The following HTRA3 variants were observed in gnomAD, a reference collection of about 807,000 sequenced individuals.
HTRA3 encodes serine protease HTRA3.
In HTRA3, 41 loss-of-function variants were observed where a neutral mutation model predicts 43.2. That is an observed-to-expected ratio of 0.95 (90% CI 0.74 to 1.23). The LOEUF (loss-of-function observed/expected upper bound fraction) is 1.23. HTRA3 is among the 50% of genes most tolerant of loss of function. HTRA3 has a pLI of 0.00. For synonymous variants in HTRA3, 295 were observed against 287.9 expected (o/e 1.02, Z -0.25); for missense variants, 628 against 647.1 (o/e 0.97, Z 0.32).
chr4:8,281,744 C>G (rs1406180911), intron 1 of HTRA3, among the ~76,000 whole-genome samples: 1 of 152,236 alleles, frequency 6.6e-6, no homozygotes, highest in African/African-American at 2.4e-5. Context: ...GCAGCCACAG[C>G]CCCTACTGCT....
chr4:8,292,004 G>C lies in HTRA3; in HGVS notation c.904-317G>C, dbSNP rs531096039. On this transcript the variant is annotated intron_variant, in intron 4 of 8. Coordinates refer to ENST00000307358, the MANE Select transcript of HTRA3 (RefSeq NM_053044.5). The stretch of plus-strand genomic sequence containing the variant: ...GCTGGAATCCGAGTCTTTGTAGAGG[G>C]CCCCCCCAGGCCAGCAGGATGGGAA... Among the ~76,000 whole-genome samples, 47 of 152,220 alleles carry C rather than the reference G, an allele frequency of 3.1e-4. No homozygotes were observed. In the South Asian group the frequency reaches 6.6e-3, roughly 22 times the overall value.
chr4:8,295,663 C>A lies in HTRA3; in HGVS notation c.1051+1462C>A. The A allele has an allele frequency of 1.4e-6, 2 of 1,398,390 alleles. No individual in the cohort carries two copies. Among genetic ancestry groups the A allele is most frequent in the Non-Finnish European group, 1.9e-6 (2 of 1,072,850 alleles). The allele number at this position is 1,398,390 out of a possible 1,614,324, so 86.6% of individuals were successfully genotyped here. A position where few individuals can be genotyped will look rare whatever the true frequency, so the allele number is the denominator to read the frequency against. ...CGCCCAGGCCTGACTCAGCAACTCA[C>A]ACTTCCACATTGCTTTGCTGTCTCC... On this transcript the variant is annotated intron_variant, in intron 6 of 8. Transcript: ENST00000307358. This position sits in a 1 kb window ranked among gnomAD's most constrained non-coding sequence, Gnocchi z 6.9.
At chr4:8,283,049 C>T (rs574678099) in intron 2 of HTRA3, among the ~76,000 whole-genome samples, 1 of 152,228 alleles carries the variant, frequency 6.6e-6, no homozygotes, top group South Asian at 2.1e-4. Flanking sequence ...GGGCAGCTCG[C>T]AAGCACCGAG....
At position 8,277,411 on chromosome 4, in the gene HTRA3, G is replaced by A. The variant is rs1408358189; in HGVS notation, c.386-5026G>A. Among the ~76,000 whole-genome samples the A allele has an allele frequency of 2.0e-5, 3 of 152,300 alleles. No individual in the cohort carries two copies. In the East Asian group the frequency reaches 5.8e-4, roughly 29 times the overall value. On this transcript the variant is annotated intron_variant, in intron 1 of 8. Coordinates refer to ENST00000307358, the MANE Select transcript of HTRA3 (RefSeq NM_053044.5). ...CTTCCTGCCCACTGCAGCGGGCCAGGTCCAGCCCAGACGCAGGGGTGCAGG... is the reference window on the plus strand; with the variant it reads ...CTTCCTGCCCACTGCAGCGGGCCAGATCCAGCCCAGACGCAGGGGTGCAGG...
chr4:8,304,253 G>A lies in HTRA3; in HGVS notation c.1170G>A (p.Glu390=), dbSNP rs762593620. 70 of 1,614,212 alleles carry A rather than the reference G, an allele frequency of 4.3e-5. No individual in the cohort carries two copies. The East Asian group carries it at 1.2e-3, about 27-fold the overall frequency. The change falls in exon 8 of 9, where the codon GAG becomes GAA. Residue 390 remains glutamate, a synonymous_variant. Transcript: ENST00000307358. ...TCAGCAGTGGAATTTATGTGCAAGA[G>A]GTTGCGCCGAATTCACCTTCTCAGA... The part of the protein sequence containing the change: ...PEVSSGIYVQ[E]VAPNSPSQRG...
rs533718870 is a variant in HTRA3 at position 8,299,472 on chromosome 4, C to CT, written c.1052-2981dup. Among the ~76,000 whole-genome samples, 197 of 148,884 alleles carry CT rather than the reference C, an allele frequency of 1.3e-3. 1 individual carries two copies. Among genetic ancestry groups the CT allele is most frequent in the African/African-American group, 4.1e-3 (165 of 40,586 alleles). ...ACTTCTTCCTTTCCAATCTGAATGC[C>CT]TTTTTTTTTTCTTGCCTGGCTAGAA... On this transcript the variant is annotated intron_variant, in intron 6 of 8. Coordinates refer to ENST00000307358, the MANE Select transcript of HTRA3 (RefSeq NM_053044.5).
At chr4:8,291,264 A>G in intron 3 of HTRA3, 106 bp from the exon 4 acceptor site, 2 of 961,104 alleles carry the variant, frequency 2.1e-6, no homozygotes, top group Non-Finnish European at 3.3e-6. Context: ...CTTTGCACAG[A>G]TGTGCATGCC....
intron 1 of HTRA3, among the ~76,000 whole-genome samples, chr4:8,271,095 C>T (rs550683211): frequency 6.6e-6 from 1 of 152,202 alleles, no homozygotes; most frequent in African/African-American, 2.4e-5. Context: ...GAGTCAGGGT[C>T]CTGCGTGCCA....
rs1712285364 is a variant in HTRA3, at chr4:8,271,739, A to AC, written c.385+1387dup. Among the ~76,000 whole-genome samples, 19 of 137,180 alleles carry AC rather than the reference A, an allele frequency of 1.4e-4. No individual in the cohort carries two copies. In the South Asian group the frequency reaches 5.4e-3, roughly 39 times the overall value. 90.0% of individuals were successfully genotyped at this position (137,180 alleles called of 152,430 possible). On this transcript the variant is annotated intron_variant, in intron 1 of 8. Transcript: ENST00000307358. The stretch of plus-strand genomic sequence containing the variant: ...GAAGTGCAGGCAGGGACAAGGCCGA[A>AC]CGCTGCCTGTAGCCTCTCTCATAAG...
chr4:8,283,950 G>A (rs1350594117), intron 2 of HTRA3, among the ~76,000 whole-genome samples: 4 of 152,188 alleles, frequency 2.6e-5, no homozygotes, highest in East Asian at 1.9e-4. Context: ...GTCACTAGGC[G>A]TCACGGCCCC....
rs1015045985 is a variant in HTRA3, at chr4:8,279,991, G to A, written c.386-2446G>A. Among the ~76,000 whole-genome samples the A allele has an allele frequency of 4.6e-5, 7 of 152,188 alleles. No homozygotes were observed. The highest frequency in any genetic ancestry group is 1.7e-4 in the African/African-American group (7 of 41,444). On this transcript the variant is annotated intron_variant, in intron 1 of 8. Coordinates refer to ENST00000307358, the MANE Select transcript of HTRA3 (RefSeq NM_053044.5). The surrounding 1 kb of genome is among the most constrained non-coding windows in gnomAD (Gnocchi z 7.4). ...TGGCTTGAATAAGGCTGTGAGCAGC[G>A]GCAGATTCGGTACAACTGGGGCTGC... is the stretch of plus-strand genomic sequence containing the variant.
chr4:8,276,677 C>T (rs1187010422), intron 1 of HTRA3, among the ~76,000 whole-genome samples: 1 of 152,248 alleles, frequency 6.6e-6, no homozygotes, highest in Non-Finnish European at 1.5e-5. Context: ...TCCTCCTCCT[C>T]CCAGGGGCTG....
At chr4:8,290,189 A>AGTC (rs1713176538) in intron 3 of HTRA3, among the ~76,000 whole-genome samples, 1 of 152,242 alleles carries the variant, frequency 6.6e-6, no homozygotes, top group Non-Finnish European at 1.5e-5. Context: ...GAGCGGCCTG[A>AGTC]GTCTTTCCCA....
chr4:8,299,841 CTTT>C (rs34414197), intron 6 of HTRA3, among the ~76,000 whole-genome samples: 109 of 140,708 alleles, frequency 7.7e-4, no homozygotes, highest in African/African-American at 2.4e-3. Flanking sequence ...ATGTATTATC[CTTT>C]TTTTTTTTTT....
chr4:8,298,034 C>T (rs1387518744), intron 6 of HTRA3, among the ~76,000 whole-genome samples: 3 of 152,320 alleles, frequency 2.0e-5, no homozygotes, highest in Middle Eastern at 3.4e-3. Context: ...CCACCCCGGG[C>T]CTCGTCGCCG....
At chr4:8,300,943 T>C (rs933228179) in intron 6 of HTRA3, among the ~76,000 whole-genome samples, 2 of 152,040 alleles carry the variant, frequency 1.3e-5, no homozygotes, top group Non-Finnish European at 2.9e-5. Flanking sequence ...ATCTTTATTA[T>C]TGATTCACAC....
chr4:8,292,665 C>T (rs1713296167), intron 5 of HTRA3, among the ~76,000 whole-genome samples: 1 of 152,230 alleles, frequency 6.6e-6, no homozygotes. Flanking sequence ...GCCCTCCCTG[C>T]CCTGGATGTA....
rs777361968 is a variant in HTRA3, at chr4:8,304,214, G to A, written c.1131G>A (p.Pro377=). 21 of 1,614,034 alleles carry A rather than the reference G, an allele frequency of 1.3e-5. No individual in the cohort carries two copies. The highest frequency in any genetic ancestry group is 6.6e-5 in the South Asian group (6 of 91,088). ...TGGATGAGCTGAAGGCCAGCAACCCGGACTTCCCAGAGGTCAGCAGTGGAA... is the reference window on the plus strand; with the variant it reads ...TGGATGAGCTGAAGGCCAGCAACCCAGACTTCCCAGAGGTCAGCAGTGGAA... ...SLVDELKASN[P]DFPEVSSGIY... Residue 377 remains proline (P), a synonymous_variant, in exon 8 of 9, where the codon CCG becomes CCA. Transcript: ENST00000307358.
At position 8,279,713 on chromosome 4, in the gene HTRA3, C is replaced by A. The variant is rs146097819; in HGVS notation, c.386-2724C>A. Among the ~76,000 whole-genome samples the A allele has an allele frequency of 6.6e-6, 1 of 152,154 alleles. No individual in the cohort carries two copies. The highest frequency in any genetic ancestry group is 1.5e-5 in the Non-Finnish European group (1 of 68,016). On this transcript the variant is annotated intron_variant, in intron 1 of 8. Coordinates refer to ENST00000307358, the MANE Select transcript of HTRA3 (RefSeq NM_053044.5). This position sits in a 1 kb window ranked among gnomAD's most constrained non-coding sequence, Gnocchi z 7.4. Reference sequence around the variant, plus strand: ...ACACTGGGCCCAGGTCCCTGTGTGCCGTGGCTGCCTGCACAGGCAATGCGG... The same window carrying A: ...ACACTGGGCCCAGGTCCCTGTGTGCAGTGGCTGCCTGCACAGGCAATGCGG...
Sources: gnomAD v4.1 joint callset for allele counts (sites outside exome capture counted in the v4.1 genomes callset) on GRCh38, gnomAD v4.1.1 for gene constraint, Gnocchi (gnomAD v3.1) non-coding constraint, MANE v1.5 for transcripts, NCBI Gene and HGNC (gene_info 2026-07-23, HGNC 2026-07-21) for gene names.